Variants in WDR33 observed in about 807,000 individuals in gnomAD.
WDR33 encodes pre-mRNA 3' end processing protein WDR33.
In WDR33, 47 loss-of-function variants were observed where a neutral mutation model predicts 164.9. That is an observed-to-expected ratio of 0.29 (90% CI 0.23 to 0.36). The LOEUF (loss-of-function observed/expected upper bound fraction) is 0.36, where lower values mean the gene tolerates loss of function less well. Ranked by LOEUF, WDR33 falls within the 10% of genes least tolerant of loss-of-function variation. WDR33 has a pLI of 1.00. For missense variants in WDR33, 1,137 were observed against 1,754.1 expected (o/e 0.65, Z 6.28); for synonymous variants, 505 against 589.0 (o/e 0.86, Z 2.06).
In WDR33 at chr2:127,768,186, T is replaced by C; in HGVS notation, c.378+3A>G. The C allele has an allele frequency of 6.6e-7, 1 of 1,523,680 alleles. No homozygotes were observed. Among genetic ancestry groups the C allele is most frequent in the Non-Finnish European group, 8.9e-7 (1 of 1,128,012 alleles). The allele number at this position is 1,523,680 out of a possible 1,614,324, so 94.4% of individuals were successfully genotyped here. Reference sequence around the variant, plus strand: ...CCCCCAAAATATCCAACAGATTACTTACCCTAACAACAAATACAGGACACT... The same window carrying C: ...CCCCCAAAATATCCAACAGATTACTCACCCTAACAACAAATACAGGACACT... On this transcript the variant is annotated splice_donor_region_variant and intron_variant, in intron 4 of 21. Transcript: ENST00000322313.
intron 1 of WDR33, among the ~76,000 whole-genome samples, chr2:127,794,370 G>A (rs1176100159): frequency 2.0e-5 from 3 of 150,470 alleles, no homozygotes; most frequent in Non-Finnish European, 4.4e-5. Context: ...TGTGGTGGCA[G>A]GTGCCTGTAA....
At chr2:127,809,456 G>A (rs1489506614) in intron 1 of WDR33, among the ~76,000 whole-genome samples, 3 of 98,586 alleles carry the variant, frequency 3.0e-5, no homozygotes, top group African/African-American at 1.3e-4. Context: ...TTTTTTTTGA[G>A]ACGGAGTCTC....
In WDR33 at chr2:127,701,849, G is replaced by T; in HGVS notation, c.*4474C>A. 1.4e-6 allele frequency: 2 copies of T among 1,459,822 alleles called. No individual in the cohort carries two copies. Among genetic ancestry groups the T allele is most frequent in the Non-Finnish European group, 9.0e-7 (1 of 1,110,578 alleles). The allele number at this position is 1,459,822 out of a possible 1,614,324, so 90.4% of individuals were successfully genotyped here. ...CGGTGTTGCTGCTGCGCGCGCGCAA[G>T]TTCGCGCTGCTCTGGTCACTGGGCT... On this transcript the variant is annotated 3_prime_UTR_variant, in exon 22 of 22. Transcript: ENST00000322313.
chr2:127,765,407 A>G, intron 4 of WDR33, 138 bp from the exon 5 acceptor site: 1 of 669,266 alleles, frequency 1.5e-6, no homozygotes. Context: ...GCTCAGCTTT[A>G]TCAGAAGTAC....
At position 127,734,065 on chromosome 2, in the gene WDR33, C is replaced by T. The variant is rs531772582; in HGVS notation, c.725-7288G>A. Among the ~76,000 whole-genome samples, 5 of 152,308 alleles carry T rather than the reference C, an allele frequency of 3.3e-5. No homozygotes were observed. In the South Asian group the frequency reaches 6.2e-4, roughly 19 times the overall value. On this transcript the variant is annotated intron_variant, in intron 7 of 21. Coordinates refer to ENST00000322313, the MANE Select transcript of WDR33 (RefSeq NM_018383.5). ...TCAACTTTCACTTTCTCAACTGTAA[C>T]TGAAGAGCTTGTATATGACAACTTC...
At chr2:127,772,700 G>T (rs1688049046) in intron 1 of WDR33, among the ~76,000 whole-genome samples, 1 of 151,954 alleles carries the variant, frequency 6.6e-6, no homozygotes, top group South Asian at 2.1e-4. Flanking sequence ...ATTTACAAAG[G>T]TAACATTAAG....
Position 127,769,391 on chromosome 2 carries a change from A to G in WDR33, c.205-390T>C, listed in dbSNP as rs377463088. Among the ~76,000 whole-genome samples, 103 of 152,224 alleles carry G rather than the reference A, an allele frequency of 6.8e-4. 4 individuals carry two copies. The South Asian group carries it at 0.021, about 31-fold the overall frequency. On this transcript the variant is annotated intron_variant, in intron 2 of 21. Coordinates refer to ENST00000322313, the MANE Select transcript of WDR33 (RefSeq NM_018383.5). ...GGTTGCAGTGAGCTGAGATGGTGCC[A>G]CTGCACTCCAGCCTGCGCAACAGAG...
At chr2:127,802,291 T>C (rs1196204102) in intron 1 of WDR33, among the ~76,000 whole-genome samples, 2 of 152,012 alleles carry the variant, frequency 1.3e-5, no homozygotes, top group African/African-American at 4.8e-5. Context: ...AAAATAAGAA[T>C]ATACACAGTA....
At position 127,724,971 on chromosome 2, in the gene WDR33, G is replaced by C. The variant is rs745513178; in HGVS notation, c.1007-6C>G. ...AACAGGATGCCAGGCCACAGCTGCA[G>C]AACAAAAACATGGGAAAAGACACAA... On this transcript the variant is annotated splice_region_variant and splice_polypyrimidine_tract_variant and intron_variant, in intron 9 of 21. Transcript: ENST00000322313. This position sits in a 1 kb window ranked among gnomAD's most constrained non-coding sequence, Gnocchi z 4.8. 1.2e-6 allele frequency: 2 copies of C among 1,614,054 alleles called. No homozygotes were observed. The highest frequency in any genetic ancestry group is 2.2e-5 in the East Asian group (1 of 44,900).
At chr2:127,782,714 A>G (rs1336295048) in intron 1 of WDR33, among the ~76,000 whole-genome samples, 1 of 152,226 alleles carries the variant, frequency 6.6e-6, no homozygotes, top group South Asian at 2.1e-4. Context: ...AGAAAATTTA[A>G]AGTATACAGC....
At chr2:127,795,624 C>T (rs1233396072) in intron 1 of WDR33, among the ~76,000 whole-genome samples, 1 of 149,504 alleles carries the variant, frequency 6.7e-6, no homozygotes, top group African/African-American at 2.5e-5. Context: ...TACAAGATAA[C>T]AGCCTAAGCA....
At chr2:127,784,813 T>C (rs1378438970) in intron 1 of WDR33, among the ~76,000 whole-genome samples, 1 of 152,206 alleles carries the variant, frequency 6.6e-6, no homozygotes. Flanking sequence ...AAAATACTGG[T>C]TCCAGAGAAT....
intron 1 of WDR33, among the ~76,000 whole-genome samples, chr2:127,788,835 C>T (rs1489043196): frequency 2.7e-5 from 4 of 149,116 alleles, no homozygotes; most frequent in African/African-American, 9.8e-5. Flanking sequence ...GGGGTGGCTG[C>T]CGGGCGGAGA....
intron 4 of WDR33, among the ~76,000 whole-genome samples, chr2:127,766,800 G>C (rs530202214): frequency 6.7e-6 from 1 of 149,300 alleles, no homozygotes; most frequent in South Asian, 2.1e-4. Context: ...ACAGAGTTTC[G>C]ATCTTGTCGC....
intron 1 of WDR33, among the ~76,000 whole-genome samples, chr2:127,795,751 T>A (rs1689015957): frequency 6.6e-6 from 1 of 151,192 alleles, no homozygotes; most frequent in African/African-American, 2.4e-5. Context: ...AGAGGATCAC[T>A]TGTGCACAGG....
At chr2:127,769,492 C>T (rs1687929556) in intron 2 of WDR33, among the ~76,000 whole-genome samples, 1 of 152,058 alleles carries the variant, frequency 6.6e-6, no homozygotes, top group Non-Finnish European at 1.5e-5. Flanking sequence ...AGTCCCCACC[C>T]ACTCATCCAA....
chr2:127,760,052 G>A (rs1381959853), intron 7 of WDR33, among the ~76,000 whole-genome samples: 1 of 152,078 alleles, frequency 6.6e-6, no homozygotes, highest in Non-Finnish European at 1.5e-5. Context: ...TATTCCCGTA[G>A]GCAAGACAAG....
intron 1 of WDR33, among the ~76,000 whole-genome samples, chr2:127,788,191 G>A (rs1195285529): frequency 8.4e-6 from 1 of 118,886 alleles, no homozygotes; most frequent in Non-Finnish European, 1.8e-5. Context: ...CTGGCCGGGC[G>A]GAGGGCTGAC....
At chr2:127,777,569 G>A (rs1688227849) in intron 1 of WDR33, among the ~76,000 whole-genome samples, 1 of 152,184 alleles carries the variant, frequency 6.6e-6, no homozygotes, top group Non-Finnish European at 1.5e-5. Flanking sequence ...CTATTGAACA[G>A]AATGGAACAC....
Sources: gnomAD v4.1 joint callset for allele counts (sites outside exome capture counted in the v4.1 genomes callset) on GRCh38, gnomAD v4.1.1 for gene constraint, Gnocchi (gnomAD v3.1) non-coding constraint, MANE v1.5 for transcripts, NCBI Gene and HGNC (gene_info 2026-07-23, HGNC 2026-07-21) for gene names.